STPG2: variants seen among roughly 807,000 people sequenced by gnomAD.
The protein encoded by STPG2 is sperm tail PG-rich repeat containing 2.
Under a neutral mutation model 54.2 loss-of-function variants are expected in STPG2, and 56 were observed. The ratio of observed to expected loss-of-function variants is 1.03; its 90% CI spans 0.83 to 1.29. The LOEUF (loss-of-function observed/expected upper bound fraction) is 1.29, where lower values mean the gene tolerates loss of function less well. STPG2 is among the 50% of genes most tolerant of loss of function. The probability of loss-of-function intolerance (pLI) is 0.00; values close to 1 mark genes in which losing one functional copy is unlikely to be tolerated. For missense variants in STPG2, 596 were observed against 544.9 expected (o/e 1.09, Z -0.93); for synonymous variants, 200 against 181.8 (o/e 1.10, Z -0.81).
intron 10 of STPG2, among the ~76,000 whole-genome samples, chr4:97,663,665 T>C (rs1209745154): frequency 6.6e-6 from 1 of 152,136 alleles, no homozygotes. Context: ...CAGATACAAA[T>C]CATTGCCAAT....
chr4:97,716,805 T>C lies in STPG2; in HGVS notation c.1205-3991A>G, dbSNP rs376567712. 2.9e-4 allele frequency among the ~76,000 whole-genome samples: 44 copies of C among 151,746 alleles called. No individual in the cohort carries two copies. In the East Asian group the frequency reaches 5.7e-3, roughly 20 times the overall value. On this transcript the variant is annotated intron_variant, in intron 9 of 10. Transcript: ENST00000295268. The stretch of plus-strand genomic sequence containing the variant: ...AAACCACCATGGCACGTGGTGCCTA[T>C]GGCCACGTGCCATGGTGGTGCCTAT...
chr4:97,452,226 G>A (rs1456744751), intron 4 of STPG2, among the ~76,000 whole-genome samples: 1 of 150,538 alleles, frequency 6.6e-6, no homozygotes, highest in East Asian at 2.0e-4. Context: ...AGGCCCTCAT[G>A]CCCTCACAGG....
At chr4:97,933,476 C>A (rs1046507546) in intron 8 of STPG2, among the ~76,000 whole-genome samples, 3 of 152,106 alleles carry the variant, frequency 2.0e-5, no homozygotes, top group African/African-American at 7.2e-5. Context: ...AGATTTTCCC[C>A]CAGGGTTTTT....
At chr4:98,074,488 G>A (rs2110110373) in intron 5 of STPG2, among the ~76,000 whole-genome samples, 1 of 152,174 alleles carries the variant, frequency 6.6e-6, no homozygotes, top group South Asian at 2.1e-4. Context: ...TTTGGCATAT[G>A]ACCATCCCGT....
At chr4:97,707,415 G>A (rs1723982326) in intron 10 of STPG2, among the ~76,000 whole-genome samples, 1 of 152,106 alleles carries the variant, frequency 6.6e-6, no homozygotes, top group Non-Finnish European at 1.5e-5. Flanking sequence ...CAGCTACCTG[G>A]GAGGCTGAGG....
chr4:98,029,054 T>C (rs1736514299), intron 5 of STPG2, among the ~76,000 whole-genome samples: 1 of 152,178 alleles, frequency 6.6e-6, no homozygotes, highest in Non-Finnish European at 1.5e-5. Flanking sequence ...GCATATTTTC[T>C]ATTATTTCAA....
chr4:97,912,779 T>C (rs943498502), intron 8 of STPG2, among the ~76,000 whole-genome samples: 8 of 152,232 alleles, frequency 5.3e-5, no homozygotes, highest in African/African-American at 1.9e-4. Context: ...CAGGATATCA[T>C]CTAGGAGATG....
chr4:97,582,163 G>A (rs1477211416), intron 10 of STPG2, among the ~76,000 whole-genome samples: 3 of 151,892 alleles, frequency 2.0e-5, no homozygotes, highest in Admixed American at 6.6e-5. Context: ...CTCTCATTAT[G>A]CAAGAAGTCA....
chr4:97,596,400 A>G (rs1398134399), intron 10 of STPG2, among the ~76,000 whole-genome samples: 1 of 152,110 alleles, frequency 6.6e-6, no homozygotes, highest in Non-Finnish European at 1.5e-5. Context: ...TGAACTTGAC[A>G]CTTGACCAAG....
intron 5 of STPG2, among the ~76,000 whole-genome samples, chr4:98,021,422 G>A (rs531515329): frequency 2.0e-5 from 3 of 151,184 alleles, no homozygotes; most frequent in South Asian, 2.1e-4. Flanking sequence ...ATTTGCTGAG[G>A]AGTGCTTTAC....
chr4:97,904,041 C>G (rs193189619), intron 8 of STPG2, among the ~76,000 whole-genome samples: 3 of 152,308 alleles, frequency 2.0e-5, no homozygotes, highest in African/African-American at 7.2e-5. Flanking sequence ...CCAGCATTGC[C>G]CAGGCTTGCT....
chr4:97,538,503 G>T (rs61311365), intron 4 of STPG2, among the ~76,000 whole-genome samples: 63 of 152,132 alleles, frequency 4.1e-4, no homozygotes, highest in African/African-American at 1.5e-3. Flanking sequence ...AAAAGAATAC[G>T]AAGAAATGAA....
intron 8 of STPG2, among the ~76,000 whole-genome samples, chr4:97,848,092 T>A (rs989507763): frequency 6.6e-6 from 1 of 152,160 alleles, no homozygotes; most frequent in Non-Finnish European, 1.5e-5. Flanking sequence ...CCAGTGCCTA[T>A]GGGAAAAACT....
chr4:97,958,147 T>C (rs1733751242), intron 7 of STPG2, among the ~76,000 whole-genome samples: 3 of 151,908 alleles, frequency 2.0e-5, no homozygotes. Flanking sequence ...CTGTCTCTAC[T>C]AAAAATACAA....
intron 4 of STPG2, among the ~76,000 whole-genome samples, chr4:97,538,097 A>T (rs1034699880): frequency 2.6e-5 from 4 of 152,172 alleles, no homozygotes; most frequent in Admixed American, 6.5e-5. Flanking sequence ...ATGGGGAAAA[A>T]ACAAAATACA....
Position 97,498,396 on chromosome 4 carries a change from C to A in STPG2, c.462+214303G>T, listed in dbSNP as rs1258925866. On this transcript the variant is annotated intron_variant, in intron 4 of 4. Coordinates refer to the STPG2 transcript ENST00000522676. The stretch of plus-strand genomic sequence containing the variant: ...AATTTAAGATTTAGAAAAATCTCCT[C>A]ATAAAGATCTGCTTTAGCATTTGAG... Among the ~76,000 whole-genome samples, 41 of 151,904 alleles carry A rather than the reference C, an allele frequency of 2.7e-4. 1 individual carries two copies. The highest frequency in any genetic ancestry group is 5.6e-4 in the Non-Finnish European group (38 of 67,938).
chr4:97,886,884 A>C (rs553777181), intron 8 of STPG2, among the ~76,000 whole-genome samples: 1 of 152,284 alleles, frequency 6.6e-6, no homozygotes, highest in South Asian at 2.1e-4. Flanking sequence ...GGTGATAGTA[A>C]GTTATAATGA....
intron 4 of STPG2, among the ~76,000 whole-genome samples, chr4:97,454,877 T>C (rs566311391): frequency 6.6e-5 from 10 of 152,276 alleles, no homozygotes; most frequent in Admixed American, 5.2e-4. Flanking sequence ...AAATTATTCC[T>C]AATATAGAAA....
At position 97,830,640 on chromosome 4, in the gene STPG2, C is replaced by T. The variant is rs557468046; in HGVS notation, c.1204+10133G>A. ...GTATTCAGGAGACCCATCTCACGTG[C>T]AAAGACACACATAGGCTCAAAATAA... On this transcript the variant is annotated intron_variant, in intron 9 of 10. Coordinates refer to ENST00000295268, the MANE Select transcript of STPG2 (RefSeq NM_174952.3). Among the ~76,000 whole-genome samples, 135 of 152,154 alleles carry T rather than the reference C, an allele frequency of 8.9e-4. 2 individuals are homozygous for T. The highest frequency in any genetic ancestry group is 3.2e-3 in the African/African-American group (134 of 41,524).
Sources: allele counts gnomAD v4.1 joint callset (sites outside exome capture counted in the v4.1 genomes callset), GRCh38; gene constraint gnomAD v4.1.1; transcripts MANE v1.5; gene names NCBI Gene and HGNC (gene_info 2026-07-23, HGNC 2026-07-21).